Variants in RORA observed in about 807,000 individuals in gnomAD.
The protein encoded by RORA is RAR related orphan receptor A, also known as nuclear receptor ROR-alpha.
RORA carries 7 observed loss-of-function variants against 69.5 expected under a neutral mutation model. The ratio of observed to expected loss-of-function variants is 0.10; its 90% confidence interval spans 0.06 to 0.19. RORA has a LOEUF of 0.19. Among genes scored for constraint, RORA ranks in the 10% least tolerant of loss-of-function variants. The pLI is 1.00. For missense variants in RORA, 457 were observed against 663.0 expected, an observed-to-expected ratio of 0.69 and a Z score of 3.41; for synonymous variants, 261 against 240.8, an observed-to-expected ratio of 1.08 and a Z score of -0.78.
chr15:60,786,620 G>A (rs1415845016), intron 1 of RORA, among the ~76,000 whole-genome samples: 1 of 152,216 alleles, frequency 6.6e-6, no homozygotes, highest in Non-Finnish European at 1.5e-5. Context: ...CCCTGAAATA[G>A]GGCTACTGAG....
chr15:61,078,795 C>T (rs2078493101), intron 1 of RORA, among the ~76,000 whole-genome samples: 1 of 152,064 alleles, frequency 6.6e-6, no homozygotes, highest in African/African-American at 2.4e-5. Context: ...ATCCATCCAC[C>T]CACCCACCCA....
chr15:60,679,037 A>G (rs201282367), intron 1 of RORA, among the ~76,000 whole-genome samples: 1 of 152,330 alleles, frequency 6.6e-6, no homozygotes, highest in East Asian at 1.9e-4. Flanking sequence ...GTAAGGCACA[A>G]GAGAGCAATG....
chr15:60,661,320 T>C (rs533658843), intron 2 of RORA, among the ~76,000 whole-genome samples: 3 of 152,298 alleles, frequency 2.0e-5, no homozygotes, highest in South Asian at 2.1e-4. Context: ...TGATATAGCA[T>C]ACATGGGATT....
intron 1 of RORA, among the ~76,000 whole-genome samples, chr15:60,894,598 C>T (rs1177478158): frequency 6.6e-6 from 1 of 152,140 alleles, no homozygotes; most frequent in Non-Finnish European, 1.5e-5. Flanking sequence ...AGAAAACTGC[C>T]GCTCAAACGC....
At chr15:60,899,097 G>A (rs1012960783) in intron 1 of RORA, among the ~76,000 whole-genome samples, 1 of 152,212 alleles carries the variant, frequency 6.6e-6, no homozygotes, top group African/African-American at 2.4e-5. Flanking sequence ...ACTAGGGGTT[G>A]TTCGCAATGC....
chr15:60,947,635 G>C (rs540554732), intron 1 of RORA, among the ~76,000 whole-genome samples: 1 of 133,052 alleles, frequency 7.5e-6, no homozygotes, highest in African/African-American at 2.9e-5. Context: ...CTCCACTATT[G>C]TCCTATGACC....
At chr15:60,625,515 A>T (rs2069552059) in intron 2 of RORA, among the ~76,000 whole-genome samples, 1 of 152,220 alleles carries the variant, frequency 6.6e-6, no homozygotes, top group African/African-American at 2.4e-5. Flanking sequence ...GAGGATATTC[A>T]CTGTAGCTTT....
At chr15:61,022,370 G>A (rs1325851295) in intron 1 of RORA, among the ~76,000 whole-genome samples, 1 of 152,134 alleles carries the variant, frequency 6.6e-6, no homozygotes, top group Middle Eastern at 3.2e-3. Context: ...AACGGGGCAC[G>A]GCAATTGTGT....
In RORA at chr15:61,213,882, G is replaced by C. The variant is rs553223484; in HGVS notation, c.166+15171C>G. 2.6e-5 allele frequency: 4 copies of C among 152,234 alleles called. No individual in the cohort carries two copies. Among genetic ancestry groups the C allele is most frequent in the African/African-American group, 9.6e-5 (4 of 41,542 alleles). 9.4% of individuals were successfully genotyped at this position (152,234 alleles called of 1,614,324 possible). On this transcript the variant is annotated intron_variant, in intron 1 of 10. Transcript: ENST00000335670. The surrounding 1 kb of genome is among the most constrained non-coding windows in gnomAD (Gnocchi z 4.1). ...AGGAGGCGATATATTCTATTATACT[G>C]CCCTTAAACATTTGAAACTTTCGAG...
chr15:61,099,616 G>A (rs570554883), intron 1 of RORA, among the ~76,000 whole-genome samples: 28 of 152,270 alleles, frequency 1.8e-4, no homozygotes, highest in Non-Finnish European at 2.8e-4. Flanking sequence ...CACACGCAAC[G>A]CATACCTCCT....
chr15:60,725,991 T>C (rs2071352388), intron 1 of RORA, among the ~76,000 whole-genome samples: 1 of 152,116 alleles, frequency 6.6e-6, no homozygotes, highest in South Asian at 2.1e-4. Flanking sequence ...CACACAACAT[T>C]TTTTGAATCA....
chr15:60,615,348 G>C (rs1335792834), intron 2 of RORA, among the ~76,000 whole-genome samples: 6 of 152,188 alleles, frequency 3.9e-5, no homozygotes, highest in Non-Finnish European at 7.3e-5. Flanking sequence ...TGGGAAACCA[G>C]TAATAGGAAA....
chr15:60,607,484 T>C (rs879889883), intron 2 of RORA, among the ~76,000 whole-genome samples: 6 of 152,216 alleles, frequency 3.9e-5, no homozygotes, highest in Admixed American at 3.9e-4. Context: ...ATAATAACCC[T>C]AACTATTTAA....
At position 60,666,521 on chromosome 15, in the gene RORA, A is replaced by G. The variant is rs141937762; in HGVS notation, c.196+12136T>C. Among the ~76,000 whole-genome samples, 318 of 152,144 alleles carry G rather than the reference A, an allele frequency of 2.1e-3. 1 individual carries two copies. Among genetic ancestry groups the G allele is most frequent in the Admixed American group, 3.1e-3 (47 of 15,274 alleles). The stretch of plus-strand genomic sequence containing the variant: ...AGAATATCTAGTAGGACAAAGCTAC[A>G]TAAACAGCAACTATTCTGCAATACA... On this transcript the variant is annotated intron_variant, in intron 2 of 10. Transcript: ENST00000335670.
chr15:60,561,332 C>T (rs557006605), intron 2 of RORA, among the ~76,000 whole-genome samples: 83 of 151,976 alleles, frequency 5.5e-4, no homozygotes, highest in African/African-American at 1.7e-3. Flanking sequence ...CCGCCCGCCT[C>T]GGCCTCCCAA....
At chr15:61,088,451 C>G (rs989944923) in intron 1 of RORA, among the ~76,000 whole-genome samples, 2 of 152,008 alleles carry the variant, frequency 1.3e-5, no homozygotes, top group Non-Finnish European at 1.5e-5. Flanking sequence ...TAGTTTGGTA[C>G]TAAAGAAGCA....
intron 2 of RORA, among the ~76,000 whole-genome samples, chr15:60,619,530 A>G (rs1469562236): frequency 6.6e-6 from 1 of 152,252 alleles, no homozygotes; most frequent in African/African-American, 2.4e-5. Flanking sequence ...GCATAAGAAT[A>G]TCATAACATA....
In RORA at chr15:60,537,883, C is replaced by T. The variant is rs1291582299; in HGVS notation, c.197-6032G>A. Among the ~76,000 whole-genome samples, 5 of 152,210 alleles carry T rather than the reference C, an allele frequency of 3.3e-5. No homozygotes were observed. Among genetic ancestry groups the T allele is most frequent in the East Asian group, 3.8e-4 (2 of 5,200 alleles). On this transcript the variant is annotated intron_variant, in intron 2 of 10. Transcript: ENST00000335670. The surrounding 1 kb of genome is among the most constrained non-coding windows in gnomAD (Gnocchi z 4.9). ...GCCCTACTCCTTCAGTAAGCAGTCT[C>T]GCAGTCATTTTTGGCAAAAATAGTA...
intron 2 of RORA, among the ~76,000 whole-genome samples, chr15:60,634,685 G>T (rs1010044461): frequency 1.7e-4 from 26 of 152,124 alleles, no homozygotes; most frequent in African/African-American, 6.3e-4. Flanking sequence ...TTACAAGCTT[G>T]AGCCACCGCA....
Sources: gnomAD v4.1 joint callset for allele counts (sites outside exome capture counted in the v4.1 genomes callset) on GRCh38, gnomAD v4.1.1 for gene constraint, Gnocchi (gnomAD v3.1) non-coding constraint, MANE v1.5 for transcripts, NCBI Gene and HGNC (gene_info 2026-07-23, HGNC 2026-07-21) for gene names.